CNTN4: variants seen among roughly 807,000 people sequenced by gnomAD.
The protein encoded by CNTN4 is contactin 4.
Under a neutral mutation model 122.5 loss-of-function variants are expected in CNTN4, and 77 were observed. The ratio of observed to expected loss-of-function variants is 0.63; its 90% confidence interval spans 0.52 to 0.76. The LOEUF (loss-of-function observed/expected upper bound fraction) is 0.76, where lower values mean the gene tolerates loss of function less well. Among genes scored for constraint, CNTN4 ranks in the 30% least tolerant of loss-of-function variants. The pLI, the probability that CNTN4 is intolerant of heterozygous loss-of-function variation, is 0.00. For missense variants in CNTN4, 1,256 were observed against 1,259.1 expected (o/e 1.00, Z 0.04); for synonymous variants, 512 against 447.0 (o/e 1.15, Z -1.83).
intron 3 of CNTN4, among the ~76,000 whole-genome samples, chr3:2,379,433 T>C (rs1013684039): frequency 7.2e-5 from 11 of 152,186 alleles, no homozygotes; most frequent in African/African-American, 2.4e-4. Flanking sequence ...GTACCTTGGA[T>C]AGATAACTTT....
intron 4 of CNTN4, among the ~76,000 whole-genome samples, chr3:2,694,087 C>G (rs934185399): frequency 2.0e-5 from 3 of 152,118 alleles, no homozygotes; most frequent in African/African-American, 7.2e-5. Flanking sequence ...TGCTAGGATG[C>G]CTTTGCCCAA....
chr3:2,318,657 TG>T (rs1322595862), intron 2 of CNTN4, among the ~76,000 whole-genome samples: 1 of 152,152 alleles, frequency 6.6e-6, no homozygotes, highest in African/African-American at 2.4e-5. Flanking sequence ...TGTGTTGTGT[TG>T]TGTGTTTTCA....
intron 3 of CNTN4, among the ~76,000 whole-genome samples, chr3:2,535,346 C>T (rs2077760151): frequency 1.3e-5 from 2 of 152,132 alleles, no homozygotes; most frequent in Non-Finnish European, 2.9e-5. Context: ...ATATGTATCT[C>T]TTACTGATAT....
chr3:3,011,639 G>GTT (rs1339701293), intron 14 of CNTN4, among the ~76,000 whole-genome samples: 1 of 152,094 alleles, frequency 6.6e-6, no homozygotes, highest in East Asian at 1.9e-4. Context: ...GCAACAACTT[G>GTT]TTTTGAGCAT....
chr3:2,543,235 G>C (rs532891117), intron 3 of CNTN4, among the ~76,000 whole-genome samples: 2 of 152,174 alleles, frequency 1.3e-5, no homozygotes, highest in Non-Finnish European at 2.9e-5. Context: ...CTGTAATAAA[G>C]AACTAAGCGC....
chr3:3,044,940 C>G (rs1206882738), intron 23 of CNTN4, among the ~76,000 whole-genome samples: 1 of 152,208 alleles, frequency 6.6e-6, no homozygotes, highest in Admixed American at 6.5e-5. Context: ...TTCCAATGGT[C>G]TTAGCAAACG....
chr3:2,543,073 A>C (rs1212949020), intron 3 of CNTN4, among the ~76,000 whole-genome samples: 1 of 152,128 alleles, frequency 6.6e-6, no homozygotes, highest in African/African-American at 2.4e-5. Flanking sequence ...GACCAAGATA[A>C]ATCTTTACCA....
intron 4 of CNTN4, among the ~76,000 whole-genome samples, chr3:2,609,923 C>A (rs755267426): frequency 2.6e-5 from 4 of 152,022 alleles, no homozygotes; most frequent in Non-Finnish European, 5.9e-5. Flanking sequence ...ACTTTATTTT[C>A]TTCACCTTAA....
intron 4 of CNTN4, among the ~76,000 whole-genome samples, chr3:2,580,390 G>T (rs1463044723): frequency 6.6e-6 from 1 of 152,102 alleles, no homozygotes; most frequent in African/African-American, 2.4e-5. Context: ...AGAGGATAGG[G>T]TTCCAAACAG....
intron 3 of CNTN4, among the ~76,000 whole-genome samples, chr3:2,524,083 G>A (rs1285868536): frequency 6.6e-6 from 1 of 151,974 alleles, no homozygotes; most frequent in Non-Finnish European, 1.5e-5. Flanking sequence ...ATAACCATCA[G>A]CATTATCAAT....
intron 2 of CNTN4, among the ~76,000 whole-genome samples, chr3:2,166,770 C>T (rs566221077): frequency 5.3e-5 from 8 of 152,084 alleles, no homozygotes; most frequent in Admixed American, 2.0e-4. Flanking sequence ...CTCTTAGAGA[C>T]CGTTTAGTCA....
chr3:2,350,380 G>T (rs4327367), intron 3 of CNTN4, among the ~76,000 whole-genome samples: 2 of 151,970 alleles, frequency 1.3e-5, no homozygotes, highest in Non-Finnish European at 2.9e-5. Context: ...TACTCCACAG[G>T]GAGAAAAATA....
intron 3 of CNTN4, among the ~76,000 whole-genome samples, chr3:2,378,488 G>T (rs1013241076): frequency 1.3e-5 from 2 of 152,182 alleles, no homozygotes; most frequent in African/African-American, 4.8e-5. Context: ...GAAAACGGGA[G>T]AAAGTGGACC....
intron 2 of CNTN4, among the ~76,000 whole-genome samples, chr3:2,225,726 G>C (rs990862301): frequency 6.6e-6 from 1 of 152,068 alleles, no homozygotes; most frequent in Admixed American, 6.6e-5. Context: ...CGTCTGCCTT[G>C]ACACCATTCC....
At chr3:2,106,167 T>C (rs1157109845) in intron 2 of CNTN4, among the ~76,000 whole-genome samples, 1 of 152,238 alleles carries the variant, frequency 6.6e-6, no homozygotes, top group Non-Finnish European at 1.5e-5. Context: ...ACTGCTTTCA[T>C]GGCTGGAGTT....
At chr3:2,334,694 C>A (rs1293556163) in intron 2 of CNTN4, among the ~76,000 whole-genome samples, 2 of 152,146 alleles carry the variant, frequency 1.3e-5, no homozygotes, top group African/African-American at 2.4e-5. Context: ...ATGGTGATCA[C>A]ATACACATTT....
Position 2,412,729 on chromosome 3 carries a change from C to A in CNTN4, c.-89+73496C>A, listed in dbSNP as rs76652045. 3.7e-3 allele frequency among the ~76,000 whole-genome samples: 567 copies of A among 151,866 alleles called. 4 individuals carry two copies. Among genetic ancestry groups the A allele is most frequent in the African/African-American group, 0.013 (555 of 41,410 alleles). On this transcript the variant is annotated intron_variant, in intron 3 of 24. Coordinates refer to ENST00000418658, the MANE Select transcript of CNTN4 (RefSeq NM_175607.3). ...TTTTTTTTTCACTGCATGTGTGCATCATACGTATATACCTTTGTAACTGAA... is the reference window on the plus strand; with the variant it reads ...TTTTTTTTTCACTGCATGTGTGCATAATACGTATATACCTTTGTAACTGAA...
intron 7 of CNTN4, among the ~76,000 whole-genome samples, chr3:2,848,901 G>A (rs1040934573): frequency 3.9e-5 from 6 of 152,310 alleles, no homozygotes; most frequent in South Asian, 4.1e-4. Context: ...GAGCCAGAAC[G>A]GAGATTAGCC....
At chr3:2,604,780 A>C (rs1250555248) in intron 4 of CNTN4, among the ~76,000 whole-genome samples, 1 of 152,154 alleles carries the variant, frequency 6.6e-6, no homozygotes, top group East Asian at 1.9e-4. Context: ...CATCACAATC[A>C]ATGCCATAAA....
Sources: gnomAD v4.1 joint callset for allele counts (sites outside exome capture counted in the v4.1 genomes callset) on GRCh38, gnomAD v4.1.1 for gene constraint, MANE v1.5 for transcripts, NCBI Gene and HGNC (gene_info 2026-07-23, HGNC 2026-07-21) for gene names.